The following LARP4B variants were observed in gnomAD, a reference collection of about 807,000 sequenced individuals.
The protein encoded by LARP4B is la-related protein 4B.
Under a neutral mutation model 89.8 loss-of-function variants are expected in LARP4B, and 12 were observed. The observed-to-expected ratio is 0.13, with a 90% CI of 0.09 to 0.22. LARP4B has a LOEUF of 0.22. Ranked by LOEUF, LARP4B falls within the 10% of genes least tolerant of loss-of-function variation. The probability of loss-of-function intolerance (pLI) is 1.00; values close to 1 mark genes in which losing one functional copy is unlikely to be tolerated. For missense variants in LARP4B, 757 were observed against 947.7 expected, an observed-to-expected ratio of 0.80 and a Z score of 2.64; for synonymous variants, 367 against 363.3, an observed-to-expected ratio of 1.01 and a Z score of -0.12.
At chr10:961,639 C>T in the LARP4B span, among the ~76,000 whole-genome samples, 1,159 of 152,072 alleles carry the variant, frequency 7.6e-3, 20 homozygotes, top group African/African-American at 0.026. Context: ...GATGAGGCCT[C>T]GGGAAGGTCC....
chr10:839,200 G>A (rs1203347773), intron 7 of LARP4B, among the ~76,000 whole-genome samples: 2 of 152,174 alleles, frequency 1.3e-5, no homozygotes, highest in African/African-American at 4.8e-5. Flanking sequence ...TCCCTATATG[G>A]TTGTCTGAAC....
At position 812,908 on chromosome 10, in the gene LARP4B, C is replaced by T. The variant is rs767645088; in HGVS notation, c.*18G>A. 19 of 1,522,376 alleles carry T rather than the reference C, an allele frequency of 1.2e-5. No homozygotes were observed. In the South Asian group the frequency reaches 2.1e-4, roughly 17 times the overall value. The allele number at this position is 1,522,376 out of a possible 1,614,324, so 94.3% of individuals were successfully genotyped here. ...TGGTTAACACAGCGCTCTGCGACCC[C>T]TCCCAGACGTACGGTTTTCACTGAG... On this transcript the variant is annotated 3_prime_UTR_variant, in exon 18 of 18. Transcript: ENST00000316157.
At chr10:871,819 G>A (rs1281899838) in intron 3 of LARP4B, among the ~76,000 whole-genome samples, 3 of 152,170 alleles carry the variant, frequency 2.0e-5, no homozygotes, top group African/African-American at 4.8e-5. Flanking sequence ...CTTTGTTAAC[G>A]TCCAAGTAGA....
intron 5 of LARP4B, among the ~76,000 whole-genome samples, chr10:852,330 A>G (rs187153353): frequency 6.6e-6 from 1 of 152,334 alleles, no homozygotes; most frequent in Admixed American, 6.5e-5. Context: ...TAGACCACAA[A>G]TGTTGGTATC....
the LARP4B span, among the ~76,000 whole-genome samples, chr10:984,796 T>G: frequency 1.3e-5 from 2 of 152,124 alleles, no homozygotes; most frequent in African/African-American, 4.8e-5. Flanking sequence ...TGGTGGCATG[T>G]ACCTGTAGTC....
intron 1 of LARP4B, among the ~76,000 whole-genome samples, chr10:906,649 G>A (rs961580285): frequency 6.6e-6 from 1 of 152,192 alleles, no homozygotes; most frequent in Non-Finnish European, 1.5e-5. Context: ...CTCAGTTTCA[G>A]CACAAAATTA....
chr10:843,466 A>G (rs1385642682), intron 6 of LARP4B, among the ~76,000 whole-genome samples: 1 of 152,202 alleles, frequency 6.6e-6, no homozygotes, highest in Admixed American at 6.5e-5. Context: ...TGGGGGGCCA[A>G]GGTAGGCAGA....
the LARP4B span, among the ~76,000 whole-genome samples, chr10:976,320 G>A: frequency 3.4e-5 from 5 of 148,998 alleles, no homozygotes; most frequent in East Asian, 4.1e-4. Context: ...GTCGTGCAAC[G>A]TGTGGACCCG....
intron 1 of LARP4B, among the ~76,000 whole-genome samples, chr10:894,709 A>T (rs183090313): frequency 6.6e-6 from 1 of 152,228 alleles, no homozygotes; most frequent in Non-Finnish European, 1.5e-5. Flanking sequence ...AGAAACTAAA[A>T]GACTCATGAA....
the LARP4B span, chr10:985,913 C>G: frequency 6.6e-6 from 1 of 152,220 alleles, no homozygotes; most frequent in Non-Finnish European, 1.5e-5. Context: ...GAGCTGGCTA[C>G]TTCTTTTGGA....
chr10:822,423 T>G lies in LARP4B; in HGVS notation c.1485-1578A>C, dbSNP rs1281799489. Among the ~76,000 whole-genome samples, 2 of 152,176 alleles carry G rather than the reference T, an allele frequency of 1.3e-5. No homozygotes were observed. Among genetic ancestry groups the G allele is most frequent in the Admixed American group, 1.3e-4 (2 of 15,280 alleles). ...GCTGGGACGCAGGGGCACCCATCCC[T>G]TGGAACACAGCGGTGTCCAGGACAC... On this transcript the variant is annotated intron_variant, in intron 13 of 17. Transcript: ENST00000316157. The surrounding 1 kb of genome is among the most constrained non-coding windows in gnomAD (Gnocchi z 4.6).
the LARP4B span, among the ~76,000 whole-genome samples, chr10:942,948 T>C: frequency 5.4e-5 from 8 of 148,358 alleles, no homozygotes; most frequent in African/African-American, 1.2e-4. Context: ...CTGACTTCTT[T>C]TTTTTTTTTT....
At chr10:931,990 C>A (rs1830639227), upstream of LARP4B, among the ~76,000 whole-genome samples, 1 of 148,604 alleles carries the variant, frequency 6.7e-6, no homozygotes, top group Admixed American at 6.7e-5. Flanking sequence ...GCCCCGCCCG[C>A]CCCGCCCGCC....
intron 1 of LARP4B, among the ~76,000 whole-genome samples, chr10:902,339 T>C (rs919543367): frequency 6.6e-6 from 1 of 152,228 alleles, no homozygotes; most frequent in African/African-American, 2.4e-5. Context: ...GTGCGAATCA[T>C]GGCCCTCGGA....
intron 5 of LARP4B, among the ~76,000 whole-genome samples, chr10:855,045 C>A (rs917817033): frequency 1.3e-5 from 2 of 152,176 alleles, no homozygotes; most frequent in Non-Finnish European, 2.9e-5. Context: ...TCAAACTTTT[C>A]TTCTGCAGCT....
chr10:816,784 A>T (rs1228971066), intron 15 of LARP4B, among the ~76,000 whole-genome samples: 1 of 152,218 alleles, frequency 6.6e-6, no homozygotes, highest in Non-Finnish European at 1.5e-5. Flanking sequence ...TATGAAAAGG[A>T]CTAGACACGT....
intron 1 of LARP4B, among the ~76,000 whole-genome samples, chr10:919,353 C>T (rs1836917259): frequency 6.6e-6 from 1 of 152,114 alleles, no homozygotes; most frequent in Non-Finnish European, 1.5e-5. Flanking sequence ...TGGTAGAATT[C>T]TCTCCTGCCA....
At chr10:961,038 C>T in the LARP4B span, among the ~76,000 whole-genome samples, 63 of 152,124 alleles carry the variant, frequency 4.1e-4, no homozygotes, top group Admixed American at 7.9e-4. Flanking sequence ...CCAGTAGGAA[C>T]GCCAAACTGC....
At chr10:835,735 C>T (rs1833177517) in intron 8 of LARP4B, among the ~76,000 whole-genome samples, 1 of 152,144 alleles carries the variant, frequency 6.6e-6, no homozygotes, top group African/African-American at 2.4e-5. Flanking sequence ...GAGTTCCAGA[C>T]CAGCCTGGCC....
Sources: gnomAD v4.1 joint callset for allele counts (sites outside exome capture counted in the v4.1 genomes callset) on GRCh38, gnomAD v4.1.1 for gene constraint, Gnocchi (gnomAD v3.1) non-coding constraint, MANE v1.5 for transcripts, NCBI Gene and HGNC (gene_info 2026-07-23, HGNC 2026-07-21) for gene names.